The following AFAP1 variants were observed in gnomAD, a reference collection of about 807,000 sequenced individuals.
AFAP1 encodes the protein actin filament-associated protein 1.
Under a neutral mutation model 93.9 loss-of-function variants are expected in AFAP1, and 75 were observed. That is an observed-to-expected ratio of 0.80 (90% CI 0.66 to 0.97). The LOEUF (loss-of-function observed/expected upper bound fraction) is 0.97, where lower values mean the gene tolerates loss of function less well. AFAP1 is among the 50% of genes least tolerant of loss of function. The probability of loss-of-function intolerance (pLI) is 0.00; values close to 1 mark genes in which losing one functional copy is unlikely to be tolerated. For missense variants in AFAP1, 1,201 were observed against 1,050.8 expected (o/e 1.14, Z -1.98); for synonymous variants, 517 against 430.7 (o/e 1.20, Z -2.48).
intron 17 of AFAP1, among the ~76,000 whole-genome samples, chr4:7,767,433 C>T (rs1309130554): frequency 3.3e-5 from 5 of 152,168 alleles, no homozygotes; most frequent in Non-Finnish European, 7.3e-5. Flanking sequence ...CTCTCATCTG[C>T]GAGTCCTAAG....
chr4:7,924,862 CA>C (rs977972867), intron 1 of AFAP1, among the ~76,000 whole-genome samples: 1 of 146,674 alleles, frequency 6.8e-6, no homozygotes, highest in African/African-American at 2.6e-5. Flanking sequence ...GGACTTGACT[CA>C]AAACCAACAG....
intron 1 of AFAP1, among the ~76,000 whole-genome samples, chr4:7,880,345 T>A (rs1717770617): frequency 7.2e-6 from 1 of 138,572 alleles, no homozygotes; most frequent in African/African-American, 2.7e-5. Flanking sequence ...AGTGGCATAA[T>A]CTTGGCTCAC....
intron 8 of AFAP1, among the ~76,000 whole-genome samples, chr4:7,812,577 C>T (rs1720142009): frequency 6.6e-6 from 1 of 151,950 alleles, no homozygotes; most frequent in Admixed American, 6.6e-5. Context: ...GATCACAGAA[C>T]CAGGAAGAAA....
Position 7,874,530 on chromosome 4 carries a change from A to ATTTTTTTT in AFAP1, c.-2-2458_-2-2451dup, listed in dbSNP as rs71175435. Among the ~76,000 whole-genome samples the ATTTTTTTT allele has an allele frequency of 5.0e-4, 26 of 51,504 alleles. 3 individuals carry two copies. The highest frequency in any genetic ancestry group is 1.4e-3 in the African/African-American group (13 of 9,082). 33.8% of individuals were successfully genotyped at this position (51,504 alleles called of 152,430 possible). A position where few individuals can be genotyped will look rare whatever the true frequency, so the allele number is the denominator to read the frequency against. ...AGGCACCTACCACCATGCCCAGCTA[A>ATTTTTTTT]TTTTTTTTTTTTTTTTTTTTTTTTT... On this transcript the variant is annotated intron_variant, in intron 1 of 17. Coordinates refer to ENST00000420658, the MANE Select transcript of AFAP1 (RefSeq NM_001134647.2).
At chr4:7,883,408 C>T (rs1341894818) in intron 1 of AFAP1, among the ~76,000 whole-genome samples, 1 of 152,010 alleles carries the variant, frequency 6.6e-6, no homozygotes, top group Non-Finnish European at 1.5e-5. Context: ...AAGATTAAAA[C>T]ACCCACACCC....
At chr4:7,784,309 C>T (rs796747939) in intron 12 of AFAP1, among the ~76,000 whole-genome samples, 19 of 152,238 alleles carry the variant, frequency 1.2e-4, no homozygotes, top group African/African-American at 4.6e-4. Context: ...TTGCCCCGTG[C>T]CACCCTGTCC....
chr4:7,870,510 C>G (rs1023906324), intron 2 of AFAP1, among the ~76,000 whole-genome samples: 2 of 152,094 alleles, frequency 1.3e-5, no homozygotes, highest in African/African-American at 2.4e-5. Context: ...AATAACCTAG[C>G]TGGGTGTTGT....
chr4:7,917,833 C>T (rs1720169904), intron 1 of AFAP1, among the ~76,000 whole-genome samples: 1 of 152,246 alleles, frequency 6.6e-6, no homozygotes, highest in Non-Finnish European at 1.5e-5. Context: ...TTTCACTGCA[C>T]TGCAATCCCC....
intron 1 of AFAP1, among the ~76,000 whole-genome samples, chr4:7,876,007 A>T (rs1188162264): frequency 6.6e-6 from 1 of 152,176 alleles, no homozygotes; most frequent in African/African-American, 2.4e-5. Flanking sequence ...ATGGATGGTG[A>T]ATATACCTAA....
At chr4:7,768,084 A>G (rs1042875730) in intron 17 of AFAP1, among the ~76,000 whole-genome samples, 1 of 152,212 alleles carries the variant, frequency 6.6e-6, no homozygotes, top group African/African-American at 2.4e-5. Context: ...CAAAAAAAGA[A>G]AAGTTAATTC....
chr4:7,809,756 C>A lies in AFAP1; in HGVS notation c.912G>T (p.Arg304Ser). ...TGGCCTCTGATTTGGAACTTTTCTT[C>A]CTCTTCACTGTCAAGAGTAACAACA... The part of the protein sequence containing the change: ...TTCNGKEQVK[R>S]KKSSKSEAKG... Residue 304 changes from arginine to serine, a missense_variant, in exon 9 of 18, where the codon AGG (arginine) becomes AGT (serine). Transcript: ENST00000420658. The A allele has an allele frequency of 6.2e-7, 1 of 1,613,214 alleles. No homozygotes were observed. Among genetic ancestry groups the A allele is most frequent in the South Asian group, 1.1e-5 (1 of 90,714 alleles).
At chr4:7,774,933 A>T (rs1266561629) in intron 14 of AFAP1, 30 bp from the exon 15 acceptor site, 1 of 1,598,676 alleles carries the variant, frequency 6.3e-7, no homozygotes, top group Non-Finnish European at 8.5e-7. Context: ...AGCAATTAAA[A>T]ATTAGGTTTA....
intron 1 of AFAP1, among the ~76,000 whole-genome samples, chr4:7,902,570 G>C (rs1719176269): frequency 7.1e-6 from 1 of 139,866 alleles, no homozygotes; most frequent in Non-Finnish European, 1.5e-5. Context: ...TTTATAAAAT[G>C]TATGAGAAAC....
Position 7,762,593 on chromosome 4 carries a change from C to T in AFAP1, c.*1172G>A, listed in dbSNP as rs963753995. On this transcript the variant is annotated 3_prime_UTR_variant, in exon 18 of 18. Coordinates refer to ENST00000420658, the MANE Select transcript of AFAP1 (RefSeq NM_001134647.2). ...CCTTTATGCCTTAGGCATCCAAATTCTCCAAGAAATATTGCACAGAAGGCA... is the reference window on the plus strand; with the variant it reads ...CCTTTATGCCTTAGGCATCCAAATTTTCCAAGAAATATTGCACAGAAGGCA... 19 of 152,218 alleles carry T rather than the reference C, an allele frequency of 1.2e-4. No individual in the cohort carries two copies. Among genetic ancestry groups the T allele is most frequent in the African/African-American group, 4.3e-4 (18 of 41,444 alleles). 9.4% of individuals were successfully genotyped at this position (152,218 alleles called of 1,614,324 possible). A position where few individuals can be genotyped will look rare whatever the true frequency, so the allele number is the denominator to read the frequency against.
At chr4:7,782,636 G>A (rs1716889289) in intron 12 of AFAP1, among the ~76,000 whole-genome samples, 1 of 152,156 alleles carries the variant, frequency 6.6e-6, no homozygotes, top group South Asian at 2.1e-4. Context: ...CAGGGGTAAA[G>A]GTCTTTATAA....
intron 6 of AFAP1, among the ~76,000 whole-genome samples, chr4:7,834,910 G>A (rs527381668): frequency 3.1e-4 from 47 of 151,498 alleles, no homozygotes; most frequent in African/African-American, 9.7e-4. Flanking sequence ...AATGGACTGC[G>A]GGCAGCCTTA....
At chr4:7,892,759 T>G (rs1298845932) in intron 1 of AFAP1, among the ~76,000 whole-genome samples, 1 of 151,760 alleles carries the variant, frequency 6.6e-6, no homozygotes, top group Non-Finnish European at 1.5e-5. Context: ...CCCAAACTAT[T>G]CCATGACGCA....
At chr4:7,767,387 T>A (rs1560143020) in intron 17 of AFAP1, among the ~76,000 whole-genome samples, 1 of 152,192 alleles carries the variant, frequency 6.6e-6, no homozygotes, top group Non-Finnish European at 1.5e-5. Flanking sequence ...TCTTTGATGA[T>A]AAAGAAACTA....
chr4:7,869,379 C>A (rs766550709), intron 2 of AFAP1, among the ~76,000 whole-genome samples: 1 of 152,224 alleles, frequency 6.6e-6, no homozygotes, highest in East Asian at 1.9e-4. Context: ...CTACTCAGGG[C>A]AGGCAGGACT....
Sources: allele counts gnomAD v4.1 joint callset (sites outside exome capture counted in the v4.1 genomes callset), GRCh38; gene constraint gnomAD v4.1.1; transcripts MANE v1.5; gene names NCBI Gene and HGNC (gene_info 2026-07-23, HGNC 2026-07-21).